IL1R1: variants seen among roughly 807,000 people sequenced by gnomAD.
The protein encoded by IL1R1 is interleukin 1 receptor type 1.
IL1R1 carries 22 observed loss-of-function variants against 50.2 expected under a neutral mutation model. The observed-to-expected ratio is 0.44, with a 90% CI of 0.31 to 0.63. The LOEUF is 0.63. IL1R1 is among the 20% of genes least tolerant of loss of function. The pLI, the probability that IL1R1 is intolerant of heterozygous loss-of-function variation, is 0.07. For synonymous variants in IL1R1, 251 were observed against 236.7 expected, an observed-to-expected ratio of 1.06 and a Z score of -0.55; for missense variants, 509 against 676.2, an observed-to-expected ratio of 0.75 and a Z score of 2.74.
At chr2:102,156,752 A>G (rs774834592) in intron 2 of IL1R1, among the ~76,000 whole-genome samples, 13 of 152,158 alleles carry the variant, frequency 8.5e-5, no homozygotes, top group Non-Finnish European at 1.6e-4. Context: ...GCCTCAAGTG[A>G]TCTGCCTGCC....
chr2:102,148,490 A>G (rs1000852313), intron 1 of IL1R1, among the ~76,000 whole-genome samples: 1 of 152,246 alleles, frequency 6.6e-6, no homozygotes, highest in Admixed American at 6.5e-5. Flanking sequence ...AGCACTCCAA[A>G]GCAGCCCACT....
At chr2:102,136,447 G>T (rs527376814) in intron 1 of IL1R1, among the ~76,000 whole-genome samples, 27 of 138,800 alleles carry the variant, frequency 1.9e-4, no homozygotes, top group Non-Finnish European at 3.3e-4. Context: ...CACGATCTTG[G>T]CTCATTGCAG....
intron 1 of IL1R1, among the ~76,000 whole-genome samples, chr2:102,079,602 A>G (rs1679120229): frequency 6.6e-6 from 1 of 152,120 alleles, no homozygotes; most frequent in African/African-American, 2.4e-5. Flanking sequence ...AAATCGCTCA[A>G]TTAATTGAAA....
rs568731445 is a variant in IL1R1, at chr2:102,114,811, G to A, written c.-84+9939G>A. Among the ~76,000 whole-genome samples the A allele has an allele frequency of 2.0e-5, 3 of 151,574 alleles. No homozygotes were observed. The East Asian group carries it at 5.8e-4, about 29-fold the overall frequency. On this transcript the variant is annotated intron_variant, in intron 1 of 10. Coordinates refer to the IL1R1 transcript ENST00000409329. Reference sequence around the variant, plus strand: ...AGGAAGGTAAAAAATGCTTTGGATTGGAAGTAGAGGCAGACCTTTACTTTA... The same window carrying A: ...AGGAAGGTAAAAAATGCTTTGGATTAGAAGTAGAGGCAGACCTTTACTTTA...
intron 3 of IL1R1, among the ~76,000 whole-genome samples, chr2:102,160,831 A>G (rs1684654376): frequency 6.6e-6 from 1 of 152,176 alleles, no homozygotes; most frequent in African/African-American, 2.4e-5. Context: ...TCCTAACCCA[A>G]TCTGGTGATT....
chr2:102,098,690 T>C (rs1420270723), intron 1 of IL1R1, among the ~76,000 whole-genome samples: 1 of 152,064 alleles, frequency 6.6e-6, no homozygotes, highest in East Asian at 1.9e-4. Context: ...TGTATGTACA[T>C]AGGAAAAAAA....
At chr2:102,126,185 T>C (rs1681699869) in intron 1 of IL1R1, among the ~76,000 whole-genome samples, 1 of 152,344 alleles carries the variant, frequency 6.6e-6, no homozygotes, top group East Asian at 1.9e-4. Flanking sequence ...GTAAAGAAGA[T>C]ATAAAAGGTA....
upstream of IL1R1, among the ~76,000 whole-genome samples, chr2:102,141,052 G>A: frequency 6.6e-6 from 1 of 152,236 alleles, no homozygotes; most frequent in Non-Finnish European, 1.5e-5. Context: ...CCTTCATTAT[G>A]AAAATGGAAG....
chr2:102,166,230 T>C lies in IL1R1; in HGVS notation c.604T>C (p.Tyr202His), dbSNP rs34889382. 2,358 of 1,613,844 alleles carry C rather than the reference T, an allele frequency of 1.5e-3. 5 individuals carry two copies. Among genetic ancestry groups the C allele is most frequent in the Middle Eastern group, 0.01 (63 of 6,062 alleles). Residue 202 changes from tyrosine (Y) to histidine (H), a missense_variant, in exon 6 of 12, where the codon TAC (tyrosine) becomes CAC (histidine). Transcript: ENST00000410023. ...CTATACTTGTCATGCATCCTACACA[T>C]ACTTGGGCAAGCAATATCCTATTAC... is the stretch of plus-strand genomic sequence containing the variant. Reference protein sequence around the residue: ...GNYTCHASYTYLGKQYPITRV... With the variant: ...GNYTCHASYTHLGKQYPITRV...
chr2:102,076,416 A>T (rs1291854492), intron 1 of IL1R1, among the ~76,000 whole-genome samples: 5 of 152,148 alleles, frequency 3.3e-5, no homozygotes, highest in Non-Finnish European at 7.3e-5. Flanking sequence ...TGACCTCGTG[A>T]TCCACCCACC....
chr2:102,119,703 T>C (rs1405624523), intron 1 of IL1R1, among the ~76,000 whole-genome samples: 1 of 149,104 alleles, frequency 6.7e-6, no homozygotes, highest in East Asian at 2.0e-4. Context: ...ATTTAAGGTA[T>C]ACAACATGAG....
At chr2:102,108,883 C>T (rs1680577589) in intron 1 of IL1R1, among the ~76,000 whole-genome samples, 1 of 151,348 alleles carries the variant, frequency 6.6e-6, no homozygotes, top group Admixed American at 6.6e-5. Flanking sequence ...ACTCCCAGCT[C>T]AGTGCTGGGC....
chr2:102,093,447 T>C (rs1398374035), intron 1 of IL1R1, among the ~76,000 whole-genome samples: 2 of 152,236 alleles, frequency 1.3e-5, no homozygotes, highest in Non-Finnish European at 2.9e-5. Context: ...TGTACCATTT[T>C]ACATTCCCTC....
At chr2:102,123,037 A>G (rs1343895071) in intron 1 of IL1R1, among the ~76,000 whole-genome samples, 1 of 152,236 alleles carries the variant, frequency 6.6e-6, no homozygotes, top group African/African-American at 2.4e-5. Context: ...AGTAAGAAAT[A>G]TAGGCATGCT....
intron 1 of IL1R1, among the ~76,000 whole-genome samples, chr2:102,149,150 G>C (rs1488747737): frequency 6.6e-6 from 1 of 152,120 alleles, no homozygotes. Context: ...TCACTTCTCA[G>C]TTATGGCAAA....
At chr2:102,092,482 T>C (rs1417928953) in intron 1 of IL1R1, among the ~76,000 whole-genome samples, 1 of 152,144 alleles carries the variant, frequency 6.6e-6, no homozygotes, top group Non-Finnish European at 1.5e-5. Context: ...GTCTTGAAAC[T>C]CTTATTTTGA....
At chr2:102,092,485 T>G (rs1679715764) in intron 1 of IL1R1, among the ~76,000 whole-genome samples, 1 of 152,184 alleles carries the variant, frequency 6.6e-6, no homozygotes, top group East Asian at 1.9e-4. Flanking sequence ...TTGAAACTCT[T>G]ATTTTGATAT....
chr2:102,151,661 C>T (rs947883523), intron 1 of IL1R1, among the ~76,000 whole-genome samples: 3 of 152,240 alleles, frequency 2.0e-5, no homozygotes, highest in Non-Finnish European at 4.4e-5. Context: ...GTTCAAGGCA[C>T]CTCGGTGCAT....
At chr2:102,096,673 T>G (rs1187129638) in intron 1 of IL1R1, among the ~76,000 whole-genome samples, 1 of 152,082 alleles carries the variant, frequency 6.6e-6, no homozygotes, top group Non-Finnish European at 1.5e-5. Context: ...TTTATTTTTT[T>G]AAATGATGTC....
Sources: gnomAD v4.1 joint callset for allele counts (sites outside exome capture counted in the v4.1 genomes callset) on GRCh38, gnomAD v4.1.1 for gene constraint, MANE v1.5 for transcripts, NCBI Gene and HGNC (gene_info 2026-07-23, HGNC 2026-07-21) for gene names.